RMND1: variants seen among roughly 807,000 people sequenced by gnomAD.
RMND1 encodes required for meiotic nuclear division protein 1 homolog.
RMND1 carries 41 observed loss-of-function variants against 54.0 expected under a neutral mutation model. That is an observed-to-expected ratio of 0.76 (90% CI 0.59 to 0.98). RMND1 has a LOEUF of 0.98. RMND1 is among the 50% of genes least tolerant of loss of function. RMND1 has a pLI of 0.00. For missense variants in RMND1, 457 were observed against 532.0 expected (o/e 0.86, Z 1.39); for synonymous variants, 183 against 181.7 (o/e 1.01, Z -0.06).
intron 1 of RMND1, among the ~76,000 whole-genome samples, chr6:151,450,799 T>C (rs545912416): frequency 6.6e-6 from 1 of 152,198 alleles, no homozygotes; most frequent in East Asian, 1.9e-4. Context: ...ATCGGATGGT[T>C]GCCGTGTCTG....
intron 3 of RMND1, among the ~76,000 whole-genome samples, chr6:151,435,301 A>G (rs1383001365): frequency 6.6e-6 from 1 of 151,614 alleles, no homozygotes; most frequent in East Asian, 1.9e-4. Context: ...TCGTGCCACC[A>G]TACCTGGCTA....
In RMND1 at chr6:151,434,855, T is replaced by TTA. The variant is rs559433709; in HGVS notation, c.613+1589_613+1590dup. ...AGTTTATCAAAATGTTCTAAGTAAC[T>TTA]TATTTATTTTTGAGACAGAGTCTCG... On this transcript the variant is annotated intron_variant, in intron 3 of 11. Coordinates refer to ENST00000444024, the MANE Select transcript of RMND1 (RefSeq NM_017909.4). Among the ~76,000 whole-genome samples, 19 of 152,306 alleles carry TTA rather than the reference T, an allele frequency of 1.2e-4. No homozygotes were observed. In the East Asian group the frequency reaches 2.1e-3, roughly 17 times the overall value.
chr6:151,432,884 T>C (rs918784380), intron 4 of RMND1, among the ~76,000 whole-genome samples: 3 of 152,156 alleles, frequency 2.0e-5, no homozygotes, highest in Admixed American at 1.3e-4. Flanking sequence ...TCCAGAAATT[T>C]AGTCCATGAA....
At chr6:151,449,284 G>A (rs1474317626) in intron 1 of RMND1, among the ~76,000 whole-genome samples, 2 of 150,150 alleles carry the variant, frequency 1.3e-5, no homozygotes, top group Non-Finnish European at 3.0e-5. Flanking sequence ...CAGGAGAATC[G>A]CCTGAACCCG....
chr6:151,442,482 G>A (rs958245225), intron 2 of RMND1, among the ~76,000 whole-genome samples: 2 of 152,104 alleles, frequency 1.3e-5, no homozygotes, highest in Admixed American at 1.3e-4. Flanking sequence ...CCCATCCTCT[G>A]CTGTTCTCTT....
At chr6:151,432,356 A>C (rs889033267) in intron 4 of RMND1, among the ~76,000 whole-genome samples, 2 of 152,198 alleles carry the variant, frequency 1.3e-5, no homozygotes, top group South Asian at 2.1e-4. Flanking sequence ...TGGAATCTTG[A>C]TTCTCTCTAA....
intron 9 of RMND1, among the ~76,000 whole-genome samples, chr6:151,419,629 A>G (rs1275612220): frequency 6.7e-6 from 1 of 150,174 alleles, no homozygotes; most frequent in East Asian, 2.0e-4. Flanking sequence ...AGCTATGATC[A>G]TGCCACTGCA....
At chr6:151,405,691 G>T in intron 11 of RMND1, 29 bp downstream of exon 11, 1 of 1,078,130 alleles carries the variant, frequency 9.3e-7, no homozygotes, top group South Asian at 1.3e-5. Flanking sequence ...GATGGTAACT[G>T]ATCATAGTAC....
chr6:151,429,122 G>T (rs1024030685), intron 5 of RMND1, among the ~76,000 whole-genome samples: 3 of 145,570 alleles, frequency 2.1e-5, no homozygotes, highest in African/African-American at 7.6e-5. Context: ...TTTGTAACCC[G>T]CTTTTTTTTT....
chr6:151,428,272 C>T (rs1780359216), intron 5 of RMND1, among the ~76,000 whole-genome samples: 1 of 152,148 alleles, frequency 6.6e-6, no homozygotes, highest in African/African-American at 2.4e-5. Context: ...TCCTTCCAGA[C>T]TTTTTATGTG....
chr6:151,445,505 T>C lies in RMND1; in HGVS notation c.307A>G (p.Thr103Ala), dbSNP rs886253423. The C allele has an allele frequency of 1.2e-6, 2 of 1,614,164 alleles. No homozygotes were observed. The highest frequency in any genetic ancestry group is 1.3e-5 in the African/African-American group (1 of 75,062). The change falls in exon 2 of 12, where the codon ACT becomes GCT. Residue 103 changes from threonine to alanine, a missense_variant. Physicochemically the swap from Thr to Ala is moderately conservative, Grantham distance 58 (BLOSUM62 0). Coordinates refer to ENST00000444024, the MANE Select transcript of RMND1 (RefSeq NM_017909.4). ...GGTTTGTGGGTCACTCTCCTGTGAG[T>C]ACCAAAGGATTTCATGGTTGGAAGG... Reference protein sequence around the residue: ...AHLPTMKSFGTHRRVTHKPNL... With the variant: ...AHLPTMKSFGAHRRVTHKPNL...
rs1002237549 is a variant in RMND1 at position 151,421,326 on chromosome 6, T to G, written c.1003-5A>C. ...TTTCTTCCCAGCTTTTAAAGCCTAG[T>G]TGAGAGGGAATCGGAAAAACCAAAA... On this transcript the variant is annotated splice_polypyrimidine_tract_variant and splice_region_variant and intron_variant, in intron 8 of 11. Coordinates refer to ENST00000444024, the MANE Select transcript of RMND1 (RefSeq NM_017909.4). 1 of 1,606,072 alleles carries G rather than the reference T, an allele frequency of 6.2e-7. No individual in the cohort carries two copies. Among genetic ancestry groups the G allele is most frequent in the Non-Finnish European group, 8.5e-7 (1 of 1,176,834 alleles).
chr6:151,416,189 G>A (rs1780001293), intron 10 of RMND1, among the ~76,000 whole-genome samples: 2 of 151,980 alleles, frequency 1.3e-5, no homozygotes, highest in Non-Finnish European at 2.9e-5. Flanking sequence ...ATATTGGCCA[G>A]GCAGGTCTCG....
chr6:151,450,930 G>T (rs1490530143), intron 1 of RMND1, among the ~76,000 whole-genome samples: 1 of 152,126 alleles, frequency 6.6e-6, no homozygotes, highest in Admixed American at 6.6e-5. Context: ...TGAAACATGT[G>T]CTGTGTCCAC....
chr6:151,445,687 C>T lies in RMND1; in HGVS notation c.125G>A (p.Ser42Asn), dbSNP rs11550103. The change falls in exon 2 of 12, where the codon AGC becomes AAC. Residue 42 changes from serine to asparagine, a missense_variant. By Grantham distance (46) the Ser-to-Asn change is conservative (BLOSUM62 1). Coordinates refer to ENST00000444024, the MANE Select transcript of RMND1 (RefSeq NM_017909.4). ...PLKEFENTTC[S>N]TLTIRQSLDL... is the part of the protein sequence containing the mutation. ...CAAGCTTTGACGTATTGTCAGTGTG[C>T]TGCATGTTGTATTTTCAAATTCCTT... The T allele has an allele frequency of 6.2e-7, 1 of 1,614,028 alleles. No individual in the cohort carries two copies. The highest frequency in any genetic ancestry group is 8.5e-7 in the Non-Finnish European group (1 of 1,180,000).
chr6:151,431,064 G>A (rs1477953004), intron 4 of RMND1, among the ~76,000 whole-genome samples: 1 of 152,050 alleles, frequency 6.6e-6, no homozygotes. Context: ...ACAAGAGTAT[G>A]CAGAGTATAC....
intron 2 of RMND1, 41 bp downstream of exon 2, chr6:151,445,267 A>G (rs767503302): frequency 6.4e-7 from 1 of 1,562,522 alleles, no homozygotes; most frequent in African/African-American, 1.4e-5. Context: ...AGCATGAGCA[A>G]TGATCACTAA....
chr6:151,449,691 G>GATGCC (rs1021862472), intron 1 of RMND1, among the ~76,000 whole-genome samples: 1 of 151,790 alleles, frequency 6.6e-6, no homozygotes, highest in Non-Finnish European at 1.5e-5. Context: ...GTCTCCCTCT[G>GATGCC]ATGCCGAGCC....
chr6:151,420,127 T>G (rs1780115810), intron 9 of RMND1, among the ~76,000 whole-genome samples: 1 of 152,176 alleles, frequency 6.6e-6, no homozygotes, highest in South Asian at 2.1e-4. Flanking sequence ...CTACGTATAT[T>G]TAGTCCTAAC....
Sources: gnomAD v4.1 joint callset for allele counts (sites outside exome capture counted in the v4.1 genomes callset) on GRCh38, gnomAD v4.1.1 for gene constraint, MANE v1.5 for transcripts, NCBI Gene and HGNC (gene_info 2026-07-23, HGNC 2026-07-21) for gene names.